TOX: variants seen among roughly 807,000 people sequenced by gnomAD.
TOX encodes the protein thymocyte selection associated high mobility group box, also known as thymocyte selection-associated high mobility group box protein TOX.
In TOX, 11 loss-of-function variants were observed where a neutral mutation model predicts 53.7. That is an observed-to-expected ratio of 0.20 (90% confidence interval 0.13 to 0.34). The LOEUF (loss-of-function observed/expected upper bound fraction) is 0.34. TOX is among the 10% of genes least tolerant of loss of function. TOX has a pLI of 1.00. For synonymous variants in TOX, 225 were observed against 245.3 expected (o/e 0.92, Z 0.77); for missense variants, 570 against 664.6 (o/e 0.86, Z 1.56).
At chr8:59,107,899 G>A (rs981672313) in intron 1 of TOX, among the ~76,000 whole-genome samples, 1 of 152,164 alleles carries the variant, frequency 6.6e-6, no homozygotes, top group Non-Finnish European at 1.5e-5. Flanking sequence ...TTGCAAGTAT[G>A]TGCTAAAGAA....
chr8:58,846,841 G>T (rs1043152994), intron 4 of TOX, among the ~76,000 whole-genome samples: 1 of 152,108 alleles, frequency 6.6e-6, no homozygotes, highest in Non-Finnish European at 1.5e-5. Context: ...GTTAAATCAA[G>T]ACGTAAAAGA....
intron 3 of TOX, among the ~76,000 whole-genome samples, chr8:58,893,217 C>CT (rs59469169): frequency 3.3e-5 from 5 of 151,932 alleles, no homozygotes; most frequent in African/African-American, 4.8e-5. Flanking sequence ...ATCTCCCCCC[C>CT]ACAAAACACA....
chr8:59,080,644 TG>T (rs1266134666), intron 1 of TOX, among the ~76,000 whole-genome samples: 1 of 152,152 alleles, frequency 6.6e-6, no homozygotes, highest in Non-Finnish European at 1.5e-5. Context: ...GTTTGGATCA[TG>T]GGGGCAGATT....
chr8:58,872,134 G>A (rs1811209434), intron 3 of TOX, among the ~76,000 whole-genome samples: 1 of 151,898 alleles, frequency 6.6e-6, no homozygotes, highest in African/African-American at 2.4e-5. Context: ...CATACAGAGT[G>A]GTGAGTGTTT....
In TOX at chr8:58,848,831, T is replaced by C. The variant is rs572934155; in HGVS notation, c.693+2693A>G. On this transcript the variant is annotated intron_variant, in intron 4 of 8. Transcript: ENST00000361421. ...GTCAAAACAGACTTATTTCATTTAA[T>C]TGTTCAATTAGATGAGCTGGAATCA... Among the ~76,000 whole-genome samples the C allele has an allele frequency of 3.9e-5, 6 of 152,272 alleles. No individual in the cohort carries two copies. In the South Asian group the frequency reaches 1.2e-3, roughly 32 times the overall value.
In TOX at chr8:58,883,268, G is replaced by T. The variant is rs1811412519; in HGVS notation, c.412-31463C>A. On this transcript the variant is annotated intron_variant, in intron 3 of 8. Transcript: ENST00000361421. ...GCAGGCTGTGAGCCTCAGACAGGAG[G>T]TCTTGCCTTAAACTCTCTGGCCTCA... Among the ~76,000 whole-genome samples the T allele has an allele frequency of 3.9e-5, 6 of 152,154 alleles. No individual in the cohort carries two copies. The South Asian group carries it at 1.2e-3, about 32-fold the overall frequency.
At chr8:58,839,048 C>T (rs1307079031) in intron 4 of TOX, among the ~76,000 whole-genome samples, 1 of 152,090 alleles carries the variant, frequency 6.6e-6, no homozygotes, top group Non-Finnish European at 1.5e-5. Context: ...GCAGCATGCC[C>T]AATAAATAAA....
intron 1 of TOX, among the ~76,000 whole-genome samples, chr8:59,067,517 T>C (rs1804115473): frequency 6.6e-6 from 1 of 151,976 alleles, no homozygotes; most frequent in African/African-American, 2.4e-5. Flanking sequence ...ATCACACCAC[T>C]GCACTCCAGC....
At chr8:58,876,937 C>T (rs1211722483) in intron 3 of TOX, among the ~76,000 whole-genome samples, 1 of 152,094 alleles carries the variant, frequency 6.6e-6, no homozygotes, top group Admixed American at 6.6e-5. Flanking sequence ...AGTAAAGTCC[C>T]TTCAGTATAT....
Position 58,938,406 on chromosome 8 carries a change from T to C in TOX, c.411+896A>G, listed in dbSNP as rs374401414. ...AGAGTTAGTTGGACTGTTAAGTGAG[T>C]GAACAATGAAAACCAAAAAGTGCTA... is the stretch of plus-strand genomic sequence containing the variant. On this transcript the variant is annotated intron_variant, in intron 3 of 8. Coordinates refer to ENST00000361421, the MANE Select transcript of TOX (RefSeq NM_014729.3). 1.8e-4 allele frequency among the ~76,000 whole-genome samples: 27 copies of C among 152,250 alleles called. No homozygotes were observed. In the East Asian group the frequency reaches 3.9e-3, roughly 22 times the overall value.
intron 3 of TOX, among the ~76,000 whole-genome samples, chr8:58,873,505 A>G (rs1028985305): frequency 6.6e-6 from 1 of 152,124 alleles, no homozygotes; most frequent in Non-Finnish European, 1.5e-5. Context: ...TACTACTCCA[A>G]AAAGACTGGA....
At chr8:58,943,345 TA>T (rs892495168) in intron 2 of TOX, among the ~76,000 whole-genome samples, 1 of 152,012 alleles carries the variant, frequency 6.6e-6, no homozygotes, top group Non-Finnish European at 1.5e-5. Flanking sequence ...CACAAGAAGG[TA>T]TATGAGTGAT....
In TOX at chr8:58,955,443, A is replaced by C. The variant is rs147307579; in HGVS notation, c.168+4500T>G. ...GAAGGAAGCAAGGCAGGGGAACCAA[A>C]CAGAAGGAAATGGTTTAGCAGAGTA... On this transcript the variant is annotated intron_variant, in intron 2 of 8. Coordinates refer to ENST00000361421, the MANE Select transcript of TOX (RefSeq NM_014729.3). Among the ~76,000 whole-genome samples the C allele has an allele frequency of 9.1e-4, 139 of 152,294 alleles. 1 individual carries two copies. Among genetic ancestry groups the C allele is most frequent in the African/African-American group, 3.1e-3 (128 of 41,562 alleles).
chr8:58,896,331 AATGTGTCATTCCTTGAGCTGGCC>A (rs1811645752), intron 3 of TOX, among the ~76,000 whole-genome samples: 1 of 152,144 alleles, frequency 6.6e-6, no homozygotes, highest in African/African-American at 2.4e-5. Flanking sequence ...ATAGGTAATG[AATGTGTCATTCCTTGAGCTGGCC>A]ATCAGAATAT....
chr8:58,879,515 TA>T (rs1455083696), intron 3 of TOX, among the ~76,000 whole-genome samples: 5 of 127,248 alleles, frequency 3.9e-5, no homozygotes, highest in Non-Finnish European at 7.9e-5. Context: ...GATTGTGAAG[TA>T]AAAACATATT....
rs186685807 is a variant in TOX at position 58,963,328 on chromosome 8, T to C, written c.103-3320A>G. On this transcript the variant is annotated intron_variant, in intron 1 of 8. Transcript: ENST00000361421. Reference sequence around the variant, plus strand: ...ATAGATATATATATAGATAGATAGATAGATAGATAGATAGGTAGATAGATA... The same window carrying C: ...ATAGATATATATATAGATAGATAGACAGATAGATAGATAGGTAGATAGATA... 5.3e-3 allele frequency among the ~76,000 whole-genome samples: 804 copies of C among 151,600 alleles called. 9 individuals are homozygous for C. Among genetic ancestry groups the C allele is most frequent in the African/African-American group, 0.018 (751 of 41,058 alleles).
chr8:58,914,459 C>CCACACTGACCACA (rs1303544402), intron 3 of TOX, among the ~76,000 whole-genome samples: 1 of 152,140 alleles, frequency 6.6e-6, no homozygotes, highest in African/African-American at 2.4e-5. Context: ...AATTGTCTGT[C>CCACACTGACCACA]TAGAGCAGTT....
chr8:58,941,917 G>A (rs1812448202), intron 2 of TOX, among the ~76,000 whole-genome samples: 2 of 151,988 alleles, frequency 1.3e-5, no homozygotes, highest in Admixed American at 1.3e-4. Flanking sequence ...GCCGGGTGTG[G>A]TGGCGCATGC....
intron 3 of TOX, among the ~76,000 whole-genome samples, chr8:58,852,684 T>C (rs554367088): frequency 3.3e-5 from 5 of 152,290 alleles, no homozygotes; most frequent in South Asian, 4.1e-4. Context: ...TAATGGAGAA[T>C]ATTTCATGGT....
Sources: gnomAD v4.1 joint callset for allele counts (sites outside exome capture counted in the v4.1 genomes callset) on GRCh38, gnomAD v4.1.1 for gene constraint, MANE v1.5 for transcripts, NCBI Gene and HGNC (gene_info 2026-07-23, HGNC 2026-07-21) for gene names.